The following TBC1D8 variants were observed in gnomAD, a reference collection of about 807,000 sequenced individuals.
TBC1D8 encodes the protein BUB2-like protein 1.
Under a neutral mutation model 118.8 loss-of-function variants are expected in TBC1D8, and 65 were observed. The ratio of observed to expected loss-of-function variants is 0.55; its 90% CI spans 0.45 to 0.67. The LOEUF is 0.67. TBC1D8 is among the 30% of genes least tolerant of loss of function. TBC1D8 has a pLI of 0.00. For missense variants in TBC1D8, 1,376 were observed against 1,471.2 expected, an observed-to-expected ratio of 0.94 and a Z score of 1.06; for synonymous variants, 566 against 595.8, an observed-to-expected ratio of 0.95 and a Z score of 0.73.
At chr2:101,147,353 T>A (rs541679152) in intron 1 of TBC1D8, among the ~76,000 whole-genome samples, 130 of 152,324 alleles carry the variant, frequency 8.5e-4, no homozygotes, top group African/African-American at 3.1e-3. Context: ...GGCAGGATCA[T>A]GCAGCAGCTA....
intron 10 of TBC1D8, chr2:101,032,587 C>T (rs955378190): frequency 1.4e-5 from 7 of 515,100 alleles, no homozygotes; most frequent in African/African-American, 9.5e-5. Flanking sequence ...GCTGAGCGAT[C>T]GGCCACCACT....
intron 11 of TBC1D8, 50 bp downstream of exon 11, chr2:101,032,218 C>T: frequency 6.6e-7 from 1 of 1,523,872 alleles, no homozygotes; most frequent in Non-Finnish European, 9.0e-7. Flanking sequence ...CCTGCCCAGG[C>T]TCTGTCACTC....
chr2:101,015,902 C>T lies in TBC1D8; in HGVS notation c.2828-4362G>A, dbSNP rs546974138. Among the ~76,000 whole-genome samples the T allele has an allele frequency of 1.8e-3, 278 of 152,062 alleles. 2 individuals are homozygous for T. Among genetic ancestry groups the T allele is most frequent in the Non-Finnish European group, 3.3e-3 (227 of 67,984 alleles). ...AAGCTGAAACTGGATCCCTTCCTTA[C>T]ACCTTATACAAAAATTAATTCAAGA... On this transcript the variant is annotated intron_variant, in intron 17 of 19. Transcript: ENST00000409318.
chr2:101,122,383 CA>C (rs70943064), intron 1 of TBC1D8, among the ~76,000 whole-genome samples: 462 of 71,778 alleles, frequency 6.4e-3, no homozygotes, highest in African/African-American at 0.011. Context: ...GACTCCATTT[CA>C]AAAAAAAAAA....
intron 5 of TBC1D8, among the ~76,000 whole-genome samples, chr2:101,045,100 A>G (rs1681615800): frequency 1.3e-5 from 2 of 152,124 alleles, no homozygotes; most frequent in Admixed American, 1.3e-4. Context: ...ATGTGGGTCA[A>G]CCCGACTCTG....
At chr2:101,113,502 T>C (rs1197687386) in intron 1 of TBC1D8, among the ~76,000 whole-genome samples, 1 of 152,128 alleles carries the variant, frequency 6.6e-6, no homozygotes, top group Non-Finnish European at 1.5e-5. Flanking sequence ...TCAGCGAGAC[T>C]CACAGCCCAT....
intron 1 of TBC1D8, among the ~76,000 whole-genome samples, chr2:101,092,091 T>G (rs547306332): frequency 5.3e-5 from 8 of 152,340 alleles, no homozygotes; most frequent in African/African-American, 1.9e-4. Flanking sequence ...ATAATGTCCT[T>G]TTGCTACAAT....
intron 2 of TBC1D8, among the ~76,000 whole-genome samples, chr2:101,079,974 C>T (rs1367991038): frequency 6.6e-6 from 1 of 152,036 alleles, no homozygotes; most frequent in Non-Finnish European, 1.5e-5. Flanking sequence ...GTGTGAGCCA[C>T]CGCGCCCAGC....
At chr2:101,011,394 G>A (rs1007774568) in intron 18 of TBC1D8, 57 bp downstream of exon 18, 1 of 1,563,420 alleles carries the variant, frequency 6.4e-7, no homozygotes, top group Non-Finnish European at 8.8e-7. Flanking sequence ...CAACCCCGGT[G>A]CCTCCCGCCA....
intron 2 of TBC1D8, among the ~76,000 whole-genome samples, chr2:101,084,849 AT>A (rs70943062): frequency 1.8e-3 from 248 of 136,296 alleles, no homozygotes; most frequent in Middle Eastern, 7.4e-3. Context: ...GGTATTCACT[AT>A]TTTTTTTTTT....
At chr2:101,078,753 CAAAA>C in intron 2 of TBC1D8, among the ~76,000 whole-genome samples, 18 of 108,102 alleles carry the variant, frequency 1.7e-4, no homozygotes, top group South Asian at 3.3e-4. Flanking sequence ...CCTTTCTTAG[CAAAA>C]AAAAAAAAAA....
chr2:101,042,684 T>C (rs532250618), intron 5 of TBC1D8, among the ~76,000 whole-genome samples: 10 of 152,166 alleles, frequency 6.6e-5, no homozygotes, highest in African/African-American at 2.4e-4. Context: ...TGTCTTTGCA[T>C]AGTGGGACTT....
intron 9 of TBC1D8, among the ~76,000 whole-genome samples, chr2:101,034,055 T>C (rs1256535032): frequency 6.6e-6 from 1 of 151,932 alleles, no homozygotes; most frequent in Non-Finnish European, 1.5e-5. Flanking sequence ...ACCTAGCTAC[T>C]CAGGAGGCTG....
chr2:101,117,031 G>A (rs540551541), intron 1 of TBC1D8, among the ~76,000 whole-genome samples: 5 of 152,046 alleles, frequency 3.3e-5, no homozygotes, highest in Admixed American at 6.6e-5. Flanking sequence ...ACGAGCAGAC[G>A]GCCACTGAAG....
intron 15 of TBC1D8, among the ~76,000 whole-genome samples, chr2:101,023,468 C>G (rs950346673): frequency 2.0e-5 from 3 of 152,016 alleles, no homozygotes; most frequent in Admixed American, 1.3e-4. Flanking sequence ...ATTTAAAAAT[C>G]AAAAAGGACT....
At chr2:101,038,031 G>A (rs1484439570) in intron 7 of TBC1D8, among the ~76,000 whole-genome samples, 9 of 152,298 alleles carry the variant, frequency 5.9e-5, no homozygotes, top group Admixed American at 4.6e-4. Context: ...CTGGGGCTGA[G>A]AGAGGCTGCA....
chr2:101,045,509 C>T (rs1020763294), intron 5 of TBC1D8, among the ~76,000 whole-genome samples: 3 of 152,228 alleles, frequency 2.0e-5, no homozygotes, highest in South Asian at 4.1e-4. Context: ...ACTCAGGCTG[C>T]GTGACAGGCC....
chr2:101,020,366 T>C (rs1303022808), intron 17 of TBC1D8, among the ~76,000 whole-genome samples: 1 of 152,160 alleles, frequency 6.6e-6, no homozygotes, highest in African/African-American at 2.4e-5. Context: ...TAAACAATTA[T>C]GCATGCCTTC....
Position 101,058,911 on chromosome 2 carries a change from A to T in TBC1D8, c.402+510T>A, listed in dbSNP as rs896150922. Among the ~76,000 whole-genome samples, 22 of 145,282 alleles carry T rather than the reference A, an allele frequency of 1.5e-4. No homozygotes were observed. The East Asian group carries it at 2.2e-3, about 14-fold the overall frequency. On this transcript the variant is annotated intron_variant, in intron 3 of 19. Coordinates refer to ENST00000409318, the MANE Select transcript of TBC1D8 (RefSeq NM_001330348.2). ...GAGAATAAAGTCTTTTTTATTTTTT[A>T]TTTTTTTTTTTTGAGACAGAGTCTC...
Sources: gnomAD v4.1 joint callset for allele counts (sites outside exome capture counted in the v4.1 genomes callset) on GRCh38, gnomAD v4.1.1 for gene constraint, MANE v1.5 for transcripts, NCBI Gene and HGNC (gene_info 2026-07-23, HGNC 2026-07-21) for gene names.